The following SPATS2 variants were observed in gnomAD, a reference collection of about 807,000 sequenced individuals.
The protein encoded by SPATS2 is spermatogenesis-associated serine-rich protein 2.
A neutral mutation model predicts 63.7 loss-of-function variants in SPATS2; 38 were observed. The ratio of observed to expected loss-of-function variants is 0.60; its 90% CI spans 0.46 to 0.78. The LOEUF is 0.78. Ranked by LOEUF, SPATS2 falls within the 30% of genes least tolerant of loss-of-function variation. SPATS2 has a pLI of 0.00. For synonymous variants in SPATS2, 207 were observed against 232.9 expected (o/e 0.89, Z 1.01); for missense variants, 588 against 666.2 (o/e 0.88, Z 1.29).
intron 9 of SPATS2, among the ~76,000 whole-genome samples, chr12:49,513,415 C>T (rs1182936377): frequency 6.6e-6 from 1 of 151,994 alleles, no homozygotes; most frequent in East Asian, 1.9e-4. Flanking sequence ...AAAGCAAAAC[C>T]GATATGGTAA....
At chr12:49,373,838 G>C (rs959110486) in intron 2 of SPATS2, among the ~76,000 whole-genome samples, 1 of 152,118 alleles carries the variant, frequency 6.6e-6, no homozygotes, top group African/African-American at 2.4e-5. Flanking sequence ...AGAATTGCTT[G>C]AACCCAGGAA....
At chr12:49,375,429 A>C (rs1294517342) in intron 2 of SPATS2, among the ~76,000 whole-genome samples, 1 of 152,084 alleles carries the variant, frequency 6.6e-6, no homozygotes, top group African/African-American at 2.4e-5. Context: ...TTTTAAGGCT[A>C]CCCTCTGTAG....
chr12:49,439,019 GA>G (rs1945368084), intron 2 of SPATS2, among the ~76,000 whole-genome samples: 2 of 152,198 alleles, frequency 1.3e-5, no homozygotes, highest in African/African-American at 4.8e-5. Flanking sequence ...AAAAAATGTA[GA>G]AAAACACAGG....
At chr12:49,462,217 C>T (rs979589045) in intron 3 of SPATS2, 1 of 685,300 alleles carries the variant, frequency 1.5e-6, no homozygotes, top group Non-Finnish European at 2.7e-6. Flanking sequence ...GGATATTTCC[C>T]TGGCCCCTTT....
intron 3 of SPATS2, chr12:49,462,272 C>G: frequency 1.4e-6 from 1 of 702,268 alleles, no homozygotes; most frequent in Non-Finnish European, 2.6e-6. Flanking sequence ...CAACTCCTCA[C>G]AGGAAGGAGA....
chr12:49,367,381 C>A (rs1345380034), upstream of SPATS2: 3 of 394,526 alleles, frequency 7.6e-6, no homozygotes, highest in South Asian at 1.3e-4. Context: ...ATCCTGCAGT[C>A]CGGCCCAGGA....
At chr12:49,410,327 C>T (rs190842759) in intron 2 of SPATS2, among the ~76,000 whole-genome samples, 6 of 152,208 alleles carry the variant, frequency 3.9e-5, no homozygotes, top group Non-Finnish European at 8.8e-5. Flanking sequence ...CCGCCCACCT[C>T]GGCCTCCCAA....
intron 9 of SPATS2, among the ~76,000 whole-genome samples, chr12:49,505,037 T>G (rs1592466981): frequency 6.6e-6 from 1 of 151,908 alleles, no homozygotes; most frequent in Non-Finnish European, 1.5e-5. Context: ...GTGCTGGGAT[T>G]ACAGGTGTGA....
intron 2 of SPATS2, among the ~76,000 whole-genome samples, chr12:49,381,895 T>C (rs1029881414): frequency 6.6e-6 from 1 of 152,214 alleles, no homozygotes; most frequent in African/African-American, 2.4e-5. Context: ...TAGGTAGATA[T>C]GCCGTTTCAT....
intron 10 of SPATS2, among the ~76,000 whole-genome samples, chr12:49,517,071 C>T (rs1031824083): frequency 3.9e-5 from 6 of 152,072 alleles, no homozygotes; most frequent in African/African-American, 1.2e-4. Flanking sequence ...TTATCTGTTA[C>T]GTGTAGAAAG....
In SPATS2 at chr12:49,429,737, T is replaced by C. The variant is rs377610445; in HGVS notation, c.-243-31033T>C. 3.0e-4 allele frequency among the ~76,000 whole-genome samples: 46 copies of C among 151,182 alleles called. No homozygotes were observed. The East Asian group carries it at 8.0e-3, about 26-fold the overall frequency. ...TCCCAAAGTGCTGGGATTACAAGCA[T>C]GAGCCACTGTGCCTGGCCTAGAATT... On this transcript the variant is annotated intron_variant, in intron 2 of 13. Coordinates refer to ENST00000552918, the MANE Select transcript of SPATS2 (RefSeq NM_023071.4).
At chr12:49,397,615 G>C (rs1024542717) in intron 2 of SPATS2, among the ~76,000 whole-genome samples, 3 of 151,892 alleles carry the variant, frequency 2.0e-5, no homozygotes, top group African/African-American at 7.3e-5. Context: ...ATCGCTTAAG[G>C]CCAGGAGTTT....
intron 2 of SPATS2, among the ~76,000 whole-genome samples, chr12:49,399,602 A>G (rs1944569985): frequency 6.6e-6 from 1 of 152,124 alleles, no homozygotes; most frequent in African/African-American, 2.4e-5. Context: ...CTGAATTCAC[A>G]CTCCCTATGT....
chr12:49,473,430 C>CA (rs978480067), intron 3 of SPATS2, among the ~76,000 whole-genome samples: 7 of 150,988 alleles, frequency 4.6e-5, no homozygotes, highest in Admixed American at 6.6e-5. Context: ...CACATACACA[C>CA]AAAAAAAAAT....
At chr12:49,409,592 ATTT>A (rs753378038) in intron 2 of SPATS2, among the ~76,000 whole-genome samples, 1 of 73,560 alleles carries the variant, frequency 1.4e-5, no homozygotes, top group Admixed American at 1.8e-4. Context: ...GTGCCCAGCA[ATTT>A]TTTTTTTTTT....
At position 49,522,735 on chromosome 12, in the gene SPATS2, T is replaced by C; in HGVS notation, c.1009-16T>C. 1 of 1,611,092 alleles carries C rather than the reference T, an allele frequency of 6.2e-7. No individual in the cohort carries two copies. The highest frequency in any genetic ancestry group is 8.5e-7 in the Non-Finnish European group (1 of 1,177,812). ...TGTTTGTCTAACCTGGAGGCCTTTC[T>C]TTGTCCTTTCTCCAGCACTTTGTTA... is the stretch of plus-strand genomic sequence containing the variant. On this transcript the variant is annotated splice_polypyrimidine_tract_variant and intron_variant, in intron 11 of 13. Transcript: ENST00000552918.
At chr12:49,443,206 A>G (rs1477085056) in intron 2 of SPATS2, among the ~76,000 whole-genome samples, 1 of 152,232 alleles carries the variant, frequency 6.6e-6, no homozygotes, top group Non-Finnish European at 1.5e-5. Context: ...TGCAGTGAAC[A>G]TAGGTGTGCA....
intron 9 of SPATS2, among the ~76,000 whole-genome samples, chr12:49,504,774 T>TTTC (rs1565755164): frequency 2.7e-4 from 27 of 99,902 alleles, no homozygotes; most frequent in African/African-American, 2.0e-3. Context: ...TTCTTTCTTT[T>TTTC]TTTTTTTTTT....
At chr12:49,436,552 G>C (rs1401271464) in intron 2 of SPATS2, among the ~76,000 whole-genome samples, 3 of 124,904 alleles carry the variant, frequency 2.4e-5, no homozygotes, top group East Asian at 4.5e-4. Flanking sequence ...CTGGCCGGGC[G>C]GGGGGCTGAC....
Sources: allele counts gnomAD v4.1 joint callset (sites outside exome capture counted in the v4.1 genomes callset), GRCh38; gene constraint gnomAD v4.1.1; transcripts MANE v1.5; gene names NCBI Gene and HGNC (gene_info 2026-07-23, HGNC 2026-07-21).